SCHIP1: variants seen among roughly 807,000 people sequenced by gnomAD.
SCHIP1 encodes the protein schwannomin interacting protein 1.
In SCHIP1, 8 loss-of-function variants were observed where a neutral mutation model predicts 29.7. The observed-to-expected ratio is 0.27, with a 90% CI of 0.16 to 0.49. The LOEUF (loss-of-function observed/expected upper bound fraction) is 0.49, where lower values mean the gene tolerates loss of function less well. SCHIP1 is among the 20% of genes least tolerant of loss of function. SCHIP1 has a pLI of 0.99. For synonymous variants in SCHIP1, 76 were observed against 94.9 expected, an observed-to-expected ratio of 0.80 and a Z score of 1.16; for missense variants, 193 against 294.6, an observed-to-expected ratio of 0.66 and a Z score of 2.52.
the SCHIP1 span, among the ~76,000 whole-genome samples, chr3:159,736,174 A>T: frequency 6.6e-6 from 1 of 152,214 alleles, no homozygotes; most frequent in East Asian, 1.9e-4. Flanking sequence ...GTTTAATAAA[A>T]ATGTAAGTTA....
chr3:159,440,755 G>A, the SCHIP1 span, among the ~76,000 whole-genome samples: 1 of 152,060 alleles, frequency 6.6e-6, no homozygotes, highest in South Asian at 2.1e-4. Context: ...TAGACACACT[G>A]GTAAACCAAC....
the SCHIP1 span, among the ~76,000 whole-genome samples, chr3:159,752,177 G>A: frequency 2.6e-5 from 4 of 152,036 alleles, no homozygotes; most frequent in African/African-American, 4.8e-5. Flanking sequence ...AGAACTGTGA[G>A]CCAAATAAAC....
chr3:159,568,751 GTTGTTGTAATTTT>G, the SCHIP1 span, among the ~76,000 whole-genome samples: 6 of 152,032 alleles, frequency 3.9e-5, no homozygotes, highest in Non-Finnish European at 8.8e-5. Flanking sequence ...TGTTAATTAT[GTTGTTGTAATTTT>G]CTATATCCTT....
the SCHIP1 span, among the ~76,000 whole-genome samples, chr3:159,483,398 G>T: frequency 6.6e-6 from 1 of 152,102 alleles, no homozygotes; most frequent in Non-Finnish European, 1.5e-5. Context: ...ACTAAACATT[G>T]GCATGTGACA....
chr3:159,499,570 G>A, the SCHIP1 span, among the ~76,000 whole-genome samples: 1 of 152,168 alleles, frequency 6.6e-6, no homozygotes, highest in African/African-American at 2.4e-5. Context: ...ACAGTCTCAG[G>A]TATTCATAAC....
chr3:159,591,999 A>AAAAAAAG, the SCHIP1 span, among the ~76,000 whole-genome samples: 8 of 149,588 alleles, frequency 5.3e-5, no homozygotes, highest in African/African-American at 2.0e-4. Context: ...CAAAAAAAAA[A>AAAAAAAG]AAAGAAAGAA....
chr3:159,756,862 G>C, the SCHIP1 span, among the ~76,000 whole-genome samples: 1 of 152,160 alleles, frequency 6.6e-6, no homozygotes, highest in African/African-American at 2.4e-5. Context: ...CAGTCTTTTT[G>C]CTAAAACAAC....
chr3:159,704,417 T>TAAAAAAAAAAAAAA, the SCHIP1 span, among the ~76,000 whole-genome samples: 7 of 92,616 alleles, frequency 7.6e-5, no homozygotes, highest in African/African-American at 2.5e-4. Context: ...CAATTTTTTC[T>TAAAAAAAAAAAAAA]AAAAAAAAAA....
At chr3:159,813,438 AAGGATCTCTTGAGCCCAGGAGGCAGG>A in the SCHIP1 span, among the ~76,000 whole-genome samples, 1 of 152,052 alleles carries the variant, frequency 6.6e-6, no homozygotes, top group Non-Finnish European at 1.5e-5. Context: ...AGCACTTAGG[AAGGATCTCTTGAGCCCAGGAGGCAGG>A]AGGATCTCCT....
At chr3:159,661,314 ATC>A in the SCHIP1 span, among the ~76,000 whole-genome samples, 1 of 151,896 alleles carries the variant, frequency 6.6e-6, no homozygotes, top group Non-Finnish European at 1.5e-5. Context: ...TTTTCCATGT[ATC>A]TCTCCATATA....
the SCHIP1 span, among the ~76,000 whole-genome samples, chr3:159,441,139 C>T: frequency 1.3e-5 from 2 of 152,144 alleles, no homozygotes; most frequent in African/African-American, 2.4e-5. Flanking sequence ...CAACACATGT[C>T]TGTGTGTGCA....
In SCHIP1 at chr3:159,852,408, A is replaced by G. The variant is rs146045113; in HGVS notation, c.30+12194A>G. 9.9e-4 allele frequency among the ~76,000 whole-genome samples: 150 copies of G among 152,272 alleles called. 3 individuals carry two copies. The highest frequency in any genetic ancestry group is 3.4e-3 in the African/African-American group (140 of 41,554). On this transcript the variant is annotated intron_variant, in intron 1 of 6. Coordinates refer to ENST00000445224, the Ensembl canonical transcript of SCHIP1. Reference sequence around the variant, plus strand: ...AAACACTGGGCATAATTTTTAGTTTATGACAGTAGTAAGCTGATTCTGATG... The same window carrying G: ...AAACACTGGGCATAATTTTTAGTTTGTGACAGTAGTAAGCTGATTCTGATG...
the SCHIP1 span, among the ~76,000 whole-genome samples, chr3:159,334,518 C>T: frequency 6.6e-6 from 1 of 152,154 alleles, no homozygotes; most frequent in Non-Finnish European, 1.5e-5. Flanking sequence ...ACCACCACCA[C>T]AACAGGTATA....
the SCHIP1 span, among the ~76,000 whole-genome samples, chr3:159,512,767 C>T: frequency 6.6e-6 from 1 of 152,136 alleles, no homozygotes; most frequent in African/African-American, 2.4e-5. Context: ...ACTATAGTCA[C>T]CCTGCTGTGC....
chr3:159,361,428 CAG>C, the SCHIP1 span, among the ~76,000 whole-genome samples: 2 of 152,190 alleles, frequency 1.3e-5, no homozygotes, highest in Non-Finnish European at 2.9e-5. Context: ...TTGGCTGAAG[CAG>C]AGAGAGCAAG....
chr3:159,773,136 C>T, the SCHIP1 span, among the ~76,000 whole-genome samples: 102 of 152,290 alleles, frequency 6.7e-4, no homozygotes, highest in Non-Finnish European at 1.2e-3. Flanking sequence ...GAAAATCGGT[C>T]CTTAGTGTTT....
the SCHIP1 span, among the ~76,000 whole-genome samples, chr3:159,575,721 C>G: frequency 1.3e-5 from 2 of 152,134 alleles, no homozygotes; most frequent in Non-Finnish European, 2.9e-5. Flanking sequence ...AGGCATGAGC[C>G]ACTGTGCCCA....
At chr3:159,669,104 G>A in the SCHIP1 span, among the ~76,000 whole-genome samples, 5 of 152,196 alleles carry the variant, frequency 3.3e-5, no homozygotes, top group East Asian at 1.9e-4. Context: ...CTCCACCCCC[G>A]GGTCAAGTTA....
At chr3:159,558,407 C>A in the SCHIP1 span, among the ~76,000 whole-genome samples, 2 of 152,180 alleles carry the variant, frequency 1.3e-5, no homozygotes, top group Non-Finnish European at 2.9e-5. Flanking sequence ...GAAGCAGCAA[C>A]CTGCTTCTTC....
Sources: allele counts gnomAD v4.1 joint callset (sites outside exome capture counted in the v4.1 genomes callset), GRCh38; gene constraint gnomAD v4.1.1; transcripts MANE v1.5; gene names NCBI Gene and HGNC (gene_info 2026-07-23, HGNC 2026-07-21).